UROC1: variants seen among roughly 807,000 people sequenced by gnomAD.
UROC1 encodes urocanate hydratase 1, also known as urocanate hydratase.
UROC1 carries 79 observed loss-of-function variants against 89.5 expected under a neutral mutation model. The observed-to-expected ratio is 0.88, with a 90% CI of 0.74 to 1.06. UROC1 has a LOEUF of 1.06. Ranked by LOEUF, UROC1 falls within the 50% of genes least tolerant of loss-of-function variation. The pLI, the probability that UROC1 is intolerant of heterozygous loss-of-function variation, is 0.00. For synonymous variants in UROC1, 361 were observed against 354.8 expected (o/e 1.02, Z -0.20); for missense variants, 885 against 907.8 (o/e 0.97, Z 0.32).
chr3:126,509,159 C>A (rs1308587020), intron 3 of UROC1, among the ~76,000 whole-genome samples: 1 of 151,012 alleles, frequency 6.6e-6, no homozygotes, highest in Non-Finnish European at 1.5e-5. Context: ...TCACTTGAGC[C>A]CCGGAGGTTG....
intron 13 of UROC1, among the ~76,000 whole-genome samples, chr3:126,498,574 G>A (rs1378662118): frequency 1.3e-5 from 2 of 152,056 alleles, no homozygotes; most frequent in Middle Eastern, 3.2e-3. Flanking sequence ...CTCCAGGACA[G>A]GGCTGTCCTG....
At chr3:126,511,471 T>C (rs1159419576) in intron 1 of UROC1, among the ~76,000 whole-genome samples, 1 of 152,230 alleles carries the variant, frequency 6.6e-6, no homozygotes, top group Non-Finnish European at 1.5e-5. Context: ...CTGTCCTCAC[T>C]ATTCTAAAGG....
intron 13 of UROC1, 112 bp from the exon 14 acceptor site, chr3:126,498,284 C>T: frequency 6.4e-7 from 1 of 1,574,702 alleles, no homozygotes; most frequent in Non-Finnish European, 8.7e-7. Context: ...AGGTGTGGAA[C>T]CCCCTAAGCT....
intron 9 of UROC1, among the ~76,000 whole-genome samples, chr3:126,503,753 C>T (rs115525500): frequency 1.4e-3 from 209 of 152,388 alleles, no homozygotes; most frequent in African/African-American, 4.8e-3. Context: ...CCGGCAATGA[C>T]GGAATGTTGG....
chr3:126,482,257 C>T lies in UROC1; in HGVS notation c.*88G>A, dbSNP rs1268179205. The T allele has an allele frequency of 1.9e-5, 29 of 1,567,336 alleles. No individual in the cohort carries two copies. The highest frequency in any genetic ancestry group is 2.3e-4 in the Middle Eastern group (1 of 4,350). On this transcript the variant is annotated 3_prime_UTR_variant, in exon 20 of 20. Transcript: ENST00000290868. ...GGATGTGCGAGAAGTGCAGGTAGTG[C>T]GGGTGTGCAGGAAGGGTGTGTGCCA...
At chr3:126,512,925 T>C (rs1936225616) in intron 1 of UROC1, among the ~76,000 whole-genome samples, 1 of 152,240 alleles carries the variant, frequency 6.6e-6, no homozygotes, top group Admixed American at 6.5e-5. Flanking sequence ...TTCTGATCTC[T>C]GGAACTGCAG....
intron 1 of UROC1, among the ~76,000 whole-genome samples, chr3:126,513,135 G>GGTGTGTGT (rs56301013): frequency 0.015 from 2,170 of 147,882 alleles, 22 homozygotes; most frequent in East Asian, 0.03. Flanking sequence ...CACAGAGCAG[G>GGTGTGTGT]GTGTGTGTGT....
At chr3:126,489,955 C>A (rs1935605373) in intron 16 of UROC1, among the ~76,000 whole-genome samples, 1 of 152,188 alleles carries the variant, frequency 6.6e-6, no homozygotes, top group African/African-American at 2.4e-5. Context: ...TGGGCTCAAG[C>A]CTCAGGCAGC....
chr3:126,492,290 C>T (rs1935672842), intron 16 of UROC1, 128 bp downstream of exon 16: 2 of 908,536 alleles, frequency 2.2e-6, no homozygotes, highest in Non-Finnish European at 3.5e-6. Context: ...CTGCTGAGGC[C>T]CAACGGGGGT....
At chr3:126,505,618 T>TA in intron 8 of UROC1, 83 bp downstream of exon 8, 3 of 1,543,836 alleles carry the variant, frequency 1.9e-6, no homozygotes, top group Non-Finnish European at 1.7e-6. Context: ...GTCTGTGGTG[T>TA]AAGTGATCCG....
In UROC1 at chr3:126,482,238, G is replaced by T; in HGVS notation, c.*107C>A. 2.6e-6 allele frequency: 4 copies of T among 1,519,662 alleles called. No individual in the cohort carries two copies. The allele number at this position is 1,519,662 out of a possible 1,614,324, so 94.1% of individuals were successfully genotyped here. A position where few individuals can be genotyped will look rare whatever the true frequency, so the allele number is the denominator to read the frequency against. On this transcript the variant is annotated 3_prime_UTR_variant, in exon 20 of 20. Coordinates refer to ENST00000290868, the MANE Select transcript of UROC1 (RefSeq NM_144639.3). ...CACCATAAGGGCCACGTGAGGATGT[G>T]CGAGAAGTGCAGGTAGTGCGGGTGT...
At chr3:126,505,308 GCCTCCCCA>G (rs1373872451) in intron 8 of UROC1, among the ~76,000 whole-genome samples, 1 of 152,130 alleles carries the variant, frequency 6.6e-6, no homozygotes, top group Non-Finnish European at 1.5e-5. Flanking sequence ...TGACCTCTCT[GCCTCCCCA>G]CCTGTTCAAG....
chr3:126,489,196 A>G, intron 17 of UROC1, 80 bp downstream of exon 17: 3 of 1,372,608 alleles, frequency 2.2e-6, no homozygotes, highest in South Asian at 1.2e-5. Context: ...CTTTCGAAAC[A>G]TTGTGACTGA....
rs772113328 is a variant in UROC1, at chr3:126,507,779, T to C, written c.565A>G (p.Thr189Ala). The C allele has an allele frequency of 6.2e-7, 1 of 1,614,056 alleles. No individual in the cohort carries two copies. Among genetic ancestry groups the C allele is most frequent in the Non-Finnish European group, 8.5e-7 (1 of 1,180,030 alleles). The stretch of plus-strand genomic sequence containing the variant: ...AAGGCAAAGAGCTTCTCATACTCCG[T>C]CCGGGAGGAGTAGTTGGGAATGACC... Reference protein sequence around the residue: ...GMVIPNYSSRTEYEKLFALGV... With the variant: ...GMVIPNYSSRAEYEKLFALGV... The change falls in exon 6 of 20, where the codon ACG (threonine) becomes GCG (alanine). Residue 189 changes from threonine to alanine, a missense_variant. Physicochemically the swap from Thr to Ala is moderately conservative, Grantham distance 58. Transcript: ENST00000290868.
chr3:126,491,403 C>T (rs769081930), intron 16 of UROC1, among the ~76,000 whole-genome samples: 2 of 152,274 alleles, frequency 1.3e-5, no homozygotes, highest in African/African-American at 2.4e-5. Context: ...TGAATGGACA[C>T]ATGCTTACTG....
At chr3:126,488,161 A>G (rs1935557887) in intron 18 of UROC1, 37 bp downstream of exon 18, 2 of 1,612,444 alleles carry the variant, frequency 1.2e-6, no homozygotes, top group Non-Finnish European at 1.7e-6. Flanking sequence ...CAAAACTTCC[A>G]CATCAGCCCA....
At chr3:126,507,258 T>G (rs1015348153) in intron 6 of UROC1, among the ~76,000 whole-genome samples, 1 of 151,960 alleles carries the variant, frequency 6.6e-6, no homozygotes, top group Non-Finnish European at 1.5e-5. Flanking sequence ...GTAAGATGTG[T>G]GCATCTTATT....
At chr3:126,492,373 G>T in intron 16 of UROC1, 45 bp downstream of exon 16, 1 of 1,569,788 alleles carries the variant, frequency 6.4e-7, no homozygotes. Context: ...AAAGGCAGTG[G>T]GAAGAGGCTG....
intron 19 of UROC1, among the ~76,000 whole-genome samples, chr3:126,483,014 C>T (rs1935424217): frequency 6.6e-6 from 1 of 152,162 alleles, no homozygotes; most frequent in South Asian, 2.1e-4. Context: ...CCCAGCTCCG[C>T]CAGAAGCCCT....
Sources: allele counts gnomAD v4.1 joint callset (sites outside exome capture counted in the v4.1 genomes callset), GRCh38; gene constraint gnomAD v4.1.1; transcripts MANE v1.5; gene names NCBI Gene and HGNC (gene_info 2026-07-23, HGNC 2026-07-21).